BLTP3B: variants seen among roughly 807,000 people sequenced by gnomAD.
The protein encoded by BLTP3B is UHRF1 (ICBP90) binding protein 1-like.
the BLTP3B span, among the ~76,000 whole-genome samples, chr12:100,048,410 T>C: frequency 6.6e-6 from 1 of 152,220 alleles, no homozygotes; most frequent in Admixed American, 6.5e-5. Flanking sequence ...GTATTTTCTG[T>C]TTTTTTGATA....
chr12:100,130,963 G>C, the BLTP3B span, among the ~76,000 whole-genome samples: 8 of 107,462 alleles, frequency 7.4e-5, no homozygotes, highest in African/African-American at 3.0e-4. Context: ...TATATATATA[G>C]AGAGAGAGAG....
At chr12:100,062,148 C>T in the BLTP3B span, among the ~76,000 whole-genome samples, 2 of 152,324 alleles carry the variant, frequency 1.3e-5, no homozygotes, top group Admixed American at 6.5e-5. Context: ...GTCTTCATCT[C>T]GGACCTCTAG....
At chr12:100,140,719 AAAAAAAAAAAAT>A in the BLTP3B span, among the ~76,000 whole-genome samples, 13 of 109,660 alleles carry the variant, frequency 1.2e-4, no homozygotes, top group African/African-American at 3.9e-4. Flanking sequence ...AAAAAAAAAA[AAAAAAAAAAAAT>A]ATATATATAT....
chr12:100,126,613 T>G, the BLTP3B span, among the ~76,000 whole-genome samples: 67 of 151,274 alleles, frequency 4.4e-4, no homozygotes, highest in African/African-American at 1.6e-3. Context: ...ACAAAATTTT[T>G]TATTAAAAAA....
At chr12:100,131,064 T>A in the BLTP3B span, among the ~76,000 whole-genome samples, 6 of 146,184 alleles carry the variant, frequency 4.1e-5, no homozygotes, top group Admixed American at 2.8e-4. Context: ...TTAAAATCAC[T>A]GAATTTTCTG....
the BLTP3B span, among the ~76,000 whole-genome samples, chr12:100,132,076 A>G: frequency 6.6e-6 from 1 of 152,230 alleles, no homozygotes; most frequent in African/African-American, 2.4e-5. Flanking sequence ...ACAGGCGTGA[A>G]CCACCGTGCC....
the BLTP3B span, among the ~76,000 whole-genome samples, chr12:100,043,181 A>G: frequency 4.6e-5 from 7 of 152,216 alleles, no homozygotes; most frequent in Non-Finnish European, 8.8e-5. Flanking sequence ...ATGCACTGGT[A>G]AACTGAAAAA....
chr12:100,075,469 A>G, the BLTP3B span, among the ~76,000 whole-genome samples: 1 of 152,204 alleles, frequency 6.6e-6, no homozygotes, highest in Admixed American at 6.5e-5. Context: ...CAATCACAAC[A>G]AAAACAAAAA....
At chr12:100,122,280 A>C in the BLTP3B span, among the ~76,000 whole-genome samples, 1 of 152,200 alleles carries the variant, frequency 6.6e-6, no homozygotes, top group African/African-American at 2.4e-5. Flanking sequence ...CAGTCCTCAT[A>C]CTACAAAGAA....
At chr12:100,136,325 A>C in the BLTP3B span, among the ~76,000 whole-genome samples, 1 of 152,098 alleles carries the variant, frequency 6.6e-6, no homozygotes, top group African/African-American at 2.4e-5. Flanking sequence ...ATAGCAATAA[A>C]ATTTTTTTTA....
the BLTP3B span, among the ~76,000 whole-genome samples, chr12:100,041,334 C>T: frequency 3.2e-3 from 482 of 151,652 alleles, 1 homozygote; most frequent in African/African-American, 0.011. Flanking sequence ...CATGTATAAA[C>T]ATCCCACATC....
chr12:100,072,205 T>A, the BLTP3B span, among the ~76,000 whole-genome samples: 1 of 151,806 alleles, frequency 6.6e-6, no homozygotes, highest in Non-Finnish European at 1.5e-5. Context: ...AAGGCTGCAG[T>A]GAGCCGAGAT....
the BLTP3B span, among the ~76,000 whole-genome samples, chr12:100,073,156 C>A: frequency 6.6e-6 from 1 of 152,048 alleles, no homozygotes; most frequent in Non-Finnish European, 1.5e-5. Context: ...GGACATAGAT[C>A]CAAGTCCTCA....
At chr12:100,101,089 C>A in the BLTP3B span, among the ~76,000 whole-genome samples, 5 of 152,144 alleles carry the variant, frequency 3.3e-5, no homozygotes, top group Non-Finnish European at 7.4e-5. Flanking sequence ...CTCTAGCCAA[C>A]CTAAAGGCCA....
chr12:100,110,240 T>G, the BLTP3B span, among the ~76,000 whole-genome samples: 3 of 152,188 alleles, frequency 2.0e-5, no homozygotes, highest in African/African-American at 7.2e-5. Flanking sequence ...CTCATGTTTC[T>G]CCACTGACTC....
the BLTP3B span, among the ~76,000 whole-genome samples, chr12:100,052,585 A>C: frequency 6.6e-6 from 1 of 152,124 alleles, no homozygotes; most frequent in Non-Finnish European, 1.5e-5. Context: ...AAGTGAGATA[A>C]AGACTGAAAT....
chr12:100,086,463 T>C, the BLTP3B span: 1 of 650,032 alleles, frequency 1.5e-6, no homozygotes, highest in Non-Finnish European at 2.6e-6. Context: ...TAGTAATAAC[T>C]GTCTCTCTTT....
chr12:100,058,099 A>G, the BLTP3B span: 1 of 1,609,654 alleles, frequency 6.2e-7, no homozygotes, highest in Non-Finnish European at 8.5e-7. Context: ...AGGTTTTCAG[A>G]GAGTGAAGCT....
the BLTP3B span, chr12:100,098,420 T>C: frequency 6.2e-7 from 1 of 1,614,066 alleles, no homozygotes; most frequent in Non-Finnish European, 8.5e-7. Context: ...GCATTTACAC[T>C]ATAGATCCGA....
Sources: allele counts gnomAD v4.1 joint callset (sites outside exome capture counted in the v4.1 genomes callset), GRCh38; gene constraint gnomAD v4.1.1; transcripts MANE v1.5; gene names NCBI Gene and HGNC (gene_info 2026-07-23, HGNC 2026-07-21).